The following CRACDL variants were observed in gnomAD, a reference collection of about 807,000 sequenced individuals.
CRACDL encodes CRACD-like protein.
CRACDL carries 26 observed loss-of-function variants against 70.6 expected under a neutral mutation model. The observed-to-expected ratio is 0.37, with a 90% CI of 0.27 to 0.51. The LOEUF (loss-of-function observed/expected upper bound fraction) is 0.51. Ranked by LOEUF, CRACDL falls within the 20% of genes least tolerant of loss-of-function variation. CRACDL has a pLI of 0.94. For missense variants in CRACDL, 1,283 were observed against 1,376.9 expected (o/e 0.93, Z 1.08); for synonymous variants, 618 against 615.2 (o/e 1.00, Z -0.07).
intron 1 of CRACDL, among the ~76,000 whole-genome samples, chr2:98,913,722 T>C (rs985715359): frequency 6.6e-6 from 1 of 152,026 alleles, no homozygotes; most frequent in Non-Finnish European, 1.5e-5. Flanking sequence ...CAAATGTACA[T>C]GGCTGTGCAA....
chr2:98,918,069 C>A (rs774321458), intron 1 of CRACDL, among the ~76,000 whole-genome samples: 1 of 152,136 alleles, frequency 6.6e-6, no homozygotes, highest in Non-Finnish European at 1.5e-5. Flanking sequence ...GTGAACTGTG[C>A]TGTGATGAAC....
intron 5 of CRACDL, among the ~76,000 whole-genome samples, chr2:98,828,385 T>G (rs2104488036): frequency 6.6e-6 from 1 of 152,210 alleles, no homozygotes; most frequent in South Asian, 2.1e-4. Flanking sequence ...AAGAATAGAG[T>G]TTTATTCACA....
intron 7 of CRACDL, among the ~76,000 whole-genome samples, chr2:98,820,558 C>T (rs915936694): frequency 6.6e-6 from 1 of 152,054 alleles, no homozygotes; most frequent in Admixed American, 6.5e-5. Flanking sequence ...ACAAAAACAA[C>T]AAAAAACCCA....
intron 1 of CRACDL, among the ~76,000 whole-genome samples, chr2:98,927,075 T>C (rs981694860): frequency 2.0e-5 from 3 of 152,218 alleles, no homozygotes; most frequent in African/African-American, 7.2e-5. Flanking sequence ...GTGTCCAATC[T>C]GACTTCCAGG....
At chr2:98,833,074 G>A (rs1434225681) in intron 3 of CRACDL, 77 bp from the exon 4 acceptor site, 1 of 1,338,710 alleles carries the variant, frequency 7.5e-7, no homozygotes, top group African/African-American at 1.5e-5. Context: ...ATGAGAAAGA[G>A]GGATGTGAGT....
intron 1 of CRACDL, among the ~76,000 whole-genome samples, chr2:98,852,075 A>C (rs1049249695): frequency 1.5e-4 from 23 of 152,310 alleles, no homozygotes; most frequent in African/African-American, 5.5e-4. Context: ...CCATAATCTT[A>C]TGGGCTTGAT....
intron 1 of CRACDL, among the ~76,000 whole-genome samples, chr2:98,912,245 A>T (rs1466306096): frequency 6.6e-6 from 1 of 152,248 alleles, no homozygotes; most frequent in Non-Finnish European, 1.5e-5. Context: ...TTTTAACAAA[A>T]AGGCAGTTCG....
chr2:98,928,222 A>T (rs1230730633), intron 1 of CRACDL, among the ~76,000 whole-genome samples: 2 of 152,330 alleles, frequency 1.3e-5, no homozygotes, highest in African/African-American at 4.8e-5. Flanking sequence ...AAAATAAGAC[A>T]GCTCACAAAA....
At chr2:98,863,244 A>C (rs1052921130) in intron 1 of CRACDL, among the ~76,000 whole-genome samples, 2 of 152,194 alleles carry the variant, frequency 1.3e-5, no homozygotes, top group Non-Finnish European at 2.9e-5. Context: ...TAGTAGGCTG[A>C]TATGTTCAAA....
At position 98,823,554 on chromosome 2, in the gene CRACDL, TA is replaced by T; in HGVS notation, c.736-18del. 1.3e-6 allele frequency: 2 copies of T among 1,551,578 alleles called. No homozygotes were observed. Among genetic ancestry groups the T allele is most frequent in the Non-Finnish European group, 1.7e-6 (2 of 1,155,866 alleles). On this transcript the variant is annotated intron_variant, in intron 6 of 9. Transcript: ENST00000397899. The surrounding 1 kb of genome is among the most constrained non-coding windows in gnomAD (Gnocchi z 4.0). Reference sequence around the variant, plus strand: ...CTGAGCGCGCTGAGAGAAATAAAGATAAAAAGCATCGTCGCTATAGCCAATT... The same window carrying T: ...CTGAGCGCGCTGAGAGAAATAAAGATAAAAGCATCGTCGCTATAGCCAATT...
Position 98,797,524 on chromosome 2 carries a change from C to T in CRACDL, c.2430G>A (p.Pro810=), listed in dbSNP as rs376930758. Residue 810 remains proline, a synonymous_variant, in exon 8 of 10, where the codon CCG becomes CCA. Transcript: ENST00000397899. ...CAGCTCCAGGCCCTGTTGCTGCAGG[C>T]GGCAGACTCTTTTCTGTTGGGTAAA... The part of the protein sequence containing the change: ...PLRRGAEKSL[P]PAATGPGADG... 259 of 1,613,684 alleles carry T rather than the reference C, an allele frequency of 1.6e-4. No individual in the cohort carries two copies. The highest frequency in any genetic ancestry group is 3.6e-4 in the East Asian group (16 of 44,892).
intron 1 of CRACDL, among the ~76,000 whole-genome samples, chr2:98,882,862 A>G (rs1480829650): frequency 6.6e-6 from 1 of 152,196 alleles, no homozygotes; most frequent in Non-Finnish European, 1.5e-5. Context: ...GGCAATCTCT[A>G]AGGCAGGTAT....
chr2:98,851,066 C>T (rs1367337231), intron 1 of CRACDL, among the ~76,000 whole-genome samples: 1 of 152,112 alleles, frequency 6.6e-6, no homozygotes, highest in African/African-American at 2.4e-5. Flanking sequence ...TAGTGTTCAC[C>T]CTACAGATTC....
intron 1 of CRACDL, among the ~76,000 whole-genome samples, chr2:98,857,703 A>G (rs538890398): frequency 6.6e-6 from 1 of 152,358 alleles, no homozygotes; most frequent in South Asian, 2.1e-4. Flanking sequence ...AGATTTAACC[A>G]TACCAACGAC....
At position 98,837,009 on chromosome 2, in the gene CRACDL, C is replaced by T. The variant is rs540700932; in HGVS notation, c.239+1110G>A. Among the ~76,000 whole-genome samples, 31 of 151,368 alleles carry T rather than the reference C, an allele frequency of 2.0e-4. No homozygotes were observed. In the South Asian group the frequency reaches 5.9e-3, roughly 29 times the overall value. Reference sequence around the variant, plus strand: ...CTGAGGCAGGAGGATGGCGTGAACCCGGGAGGCGCAGCTTGCAGTGAGCCA... The same window carrying T: ...CTGAGGCAGGAGGATGGCGTGAACCTGGGAGGCGCAGCTTGCAGTGAGCCA... On this transcript the variant is annotated intron_variant, in intron 3 of 9. Coordinates refer to ENST00000397899, the MANE Select transcript of CRACDL (RefSeq NM_207362.3).
intron 5 of CRACDL, 73 bp from the exon 6 acceptor site, chr2:98,827,242 T>A: frequency 9.9e-7 from 1 of 1,005,902 alleles, no homozygotes; most frequent in Non-Finnish European, 1.5e-6. Context: ...AACGCAACAA[T>A]GCTCTTTTCT....
intron 1 of CRACDL, among the ~76,000 whole-genome samples, chr2:98,924,931 C>T (rs1235035400): frequency 2.0e-5 from 3 of 152,188 alleles, no homozygotes; most frequent in Non-Finnish European, 4.4e-5. Flanking sequence ...CCCTACAGCC[C>T]TAGGAGGCAG....
At chr2:98,843,098 T>A (rs1280301425) in intron 2 of CRACDL, among the ~76,000 whole-genome samples, 1 of 152,174 alleles carries the variant, frequency 6.6e-6, no homozygotes, top group East Asian at 1.9e-4. Flanking sequence ...GTTTAATACG[T>A]GTGTCCTGGT....
chr2:98,800,093 T>C (rs978292027), intron 7 of CRACDL, among the ~76,000 whole-genome samples: 7 of 152,228 alleles, frequency 4.6e-5, no homozygotes, highest in African/African-American at 1.7e-4. Flanking sequence ...TATTCTCCTG[T>C]TTCACCTTGT....
Sources: gnomAD v4.1 joint callset for allele counts (sites outside exome capture counted in the v4.1 genomes callset) on GRCh38, gnomAD v4.1.1 for gene constraint, Gnocchi (gnomAD v3.1) non-coding constraint, MANE v1.5 for transcripts, NCBI Gene and HGNC (gene_info 2026-07-23, HGNC 2026-07-21) for gene names.